KIAA1328: variants seen among roughly 807,000 people sequenced by gnomAD.
KIAA1328 encodes the protein protein hinderin.
KIAA1328 carries 52 observed loss-of-function variants against 68.1 expected under a neutral mutation model. That is an observed-to-expected ratio of 0.76 (90% CI 0.61 to 0.96). The LOEUF is 0.96. Ranked by LOEUF, KIAA1328 falls within the 40% of genes least tolerant of loss-of-function variation. The probability of loss-of-function intolerance (pLI) is 0.00; values close to 1 mark genes in which losing one functional copy is unlikely to be tolerated. For missense variants in KIAA1328, 641 were observed against 677.6 expected (o/e 0.95, Z 0.60); for synonymous variants, 232 against 239.4 (o/e 0.97, Z 0.28).
At chr18:37,113,041 C>T (rs1568422208) in intron 7 of KIAA1328, among the ~76,000 whole-genome samples, 1 of 152,052 alleles carries the variant, frequency 6.6e-6, no homozygotes, top group Non-Finnish European at 1.5e-5. Flanking sequence ...GACTGGTGTA[C>T]CTGAAAGGGA....
At chr18:37,179,257 A>T (rs1258183605) in intron 9 of KIAA1328, among the ~76,000 whole-genome samples, 1 of 152,166 alleles carries the variant, frequency 6.6e-6, no homozygotes, top group Non-Finnish European at 1.5e-5. Flanking sequence ...CTGATGAGAG[A>T]TAGGGAGTCT....
chr18:37,053,215 A>G (rs1204332757), intron 6 of KIAA1328, among the ~76,000 whole-genome samples: 1 of 152,178 alleles, frequency 6.6e-6, no homozygotes, highest in Non-Finnish European at 1.5e-5. Flanking sequence ...CATCAAAGTC[A>G]ACAAAGGTAC....
chr18:36,869,058 T>C (rs1160422676), intron 4 of KIAA1328, among the ~76,000 whole-genome samples: 2 of 151,562 alleles, frequency 1.3e-5, no homozygotes, highest in African/African-American at 4.8e-5. Flanking sequence ...TTTTTTTTTT[T>C]TTTGTCTTCC....
intron 6 of KIAA1328, among the ~76,000 whole-genome samples, chr18:36,965,860 C>G (rs1361584735): frequency 6.6e-6 from 1 of 150,858 alleles, no homozygotes; most frequent in South Asian, 2.1e-4. Context: ...TATAATACCA[C>G]TTATAAGCCT....
chr18:36,846,408 A>C (rs1389558594), intron 4 of KIAA1328, among the ~76,000 whole-genome samples: 1 of 151,372 alleles, frequency 6.6e-6, no homozygotes, highest in East Asian at 1.9e-4. Context: ...ATTCTGTTGC[A>C]TTTTATTTTT....
intron 7 of KIAA1328, 33 bp downstream of exon 7, chr18:37,067,578 T>G: frequency 7.1e-7 from 1 of 1,403,186 alleles, no homozygotes; most frequent in Non-Finnish European, 9.3e-7. Flanking sequence ...TTTTTTTTTT[T>G]GAGACGAAAT....
chr18:37,012,594 A>G (rs940187196), intron 6 of KIAA1328, among the ~76,000 whole-genome samples: 3 of 152,218 alleles, frequency 2.0e-5, no homozygotes, highest in African/African-American at 7.2e-5. Flanking sequence ...ACCAAGCCTC[A>G]GTAGTCAACA....
intron 6 of KIAA1328, among the ~76,000 whole-genome samples, chr18:37,008,343 C>T (rs2053853924): frequency 6.6e-6 from 1 of 152,194 alleles, no homozygotes; most frequent in African/African-American, 2.4e-5. Flanking sequence ...CAAATTAGAA[C>T]CACTGCTCAG....
intron 4 of KIAA1328, among the ~76,000 whole-genome samples, chr18:36,860,324 A>AT (rs1341854582): frequency 3.9e-5 from 6 of 152,058 alleles, no homozygotes; most frequent in African/African-American, 1.4e-4. Context: ...TTACTTAGTG[A>AT]TTTTTTTAAC....
At chr18:36,872,454 A>G (rs1200791429) in intron 4 of KIAA1328, among the ~76,000 whole-genome samples, 4 of 152,186 alleles carry the variant, frequency 2.6e-5, no homozygotes, top group African/African-American at 7.2e-5. Flanking sequence ...TGAAGCAGAC[A>G]TTGAGAAGGA....
intron 4 of KIAA1328, among the ~76,000 whole-genome samples, chr18:36,859,036 T>C (rs1183440746): frequency 1.3e-5 from 2 of 152,202 alleles, no homozygotes; most frequent in Non-Finnish European, 2.9e-5. Flanking sequence ...TTTTTATACA[T>C]ACAACTTCAT....
chr18:37,061,169 T>C (rs2056133226), intron 6 of KIAA1328, among the ~76,000 whole-genome samples: 2 of 152,138 alleles, frequency 1.3e-5, no homozygotes, highest in South Asian at 2.1e-4. Context: ...GCACTATTTA[T>C]TGAAACACAC....
intron 6 of KIAA1328, among the ~76,000 whole-genome samples, chr18:37,008,582 T>G (rs1342021467): frequency 6.6e-6 from 1 of 152,090 alleles, no homozygotes; most frequent in Non-Finnish European, 1.5e-5. Context: ...AACTCCAGGG[T>G]CAACCAGATT....
chr18:37,156,818 T>C (rs531288806), intron 7 of KIAA1328, among the ~76,000 whole-genome samples: 44 of 152,344 alleles, frequency 2.9e-4, no homozygotes, highest in African/African-American at 1.0e-3. Flanking sequence ...TTACAGCTTT[T>C]CATCAGATAC....
At position 36,844,158 on chromosome 18, in the gene KIAA1328, C is replaced by T. The variant is rs775366555; in HGVS notation, c.238-50C>T. On this transcript the variant is annotated intron_variant, in intron 3 of 9. Transcript: ENST00000280020. ...CTTGCACCTAGGTTTCTTGAAAAGACTTTAAAAATTGGTTTTAGAAAAAGT... is the reference window on the plus strand; with the variant it reads ...CTTGCACCTAGGTTTCTTGAAAAGATTTTAAAAATTGGTTTTAGAAAAAGT... The T allele has an allele frequency of 3.1e-6, 4 of 1,281,516 alleles. No individual in the cohort carries two copies. In the African/African-American group the frequency reaches 6.1e-5, roughly 20 times the overall value. The allele number at this position is 1,281,516 out of a possible 1,614,324, so 79.4% of individuals were successfully genotyped here.
intron 9 of KIAA1328, among the ~76,000 whole-genome samples, chr18:37,189,313 T>A (rs934352376): frequency 7.3e-5 from 11 of 151,698 alleles, no homozygotes; most frequent in Non-Finnish European, 1.6e-4. Context: ...TAAGGACAAG[T>A]CTAGAAAAGG....
At chr18:37,090,949 G>A (rs1310062393) in intron 7 of KIAA1328, among the ~76,000 whole-genome samples, 2 of 152,088 alleles carry the variant, frequency 1.3e-5, no homozygotes, top group Non-Finnish European at 2.9e-5. Flanking sequence ...ACTTGAAATA[G>A]CCTCAATTGA....
chr18:37,216,695 C>T (rs2060442134), intron 9 of KIAA1328, among the ~76,000 whole-genome samples: 1 of 152,082 alleles, frequency 6.6e-6, no homozygotes, highest in African/African-American at 2.4e-5. Flanking sequence ...TGTTAACCTG[C>T]TGTCTCGTTG....
chr18:37,044,900 G>A (rs1260079119), intron 6 of KIAA1328, among the ~76,000 whole-genome samples: 4 of 151,952 alleles, frequency 2.6e-5, no homozygotes, highest in East Asian at 1.9e-4. Flanking sequence ...AAATAAATAC[G>A]ATAAATATAT....
Sources: gnomAD v4.1 joint callset for allele counts (sites outside exome capture counted in the v4.1 genomes callset) on GRCh38, gnomAD v4.1.1 for gene constraint, MANE v1.5 for transcripts, NCBI Gene and HGNC (gene_info 2026-07-23, HGNC 2026-07-21) for gene names.